TENM1: variants seen among roughly 807,000 people sequenced by gnomAD.
The protein encoded by TENM1 is teneurin-1.
TENM1 carries 35 observed loss-of-function variants against 174.8 expected under a neutral mutation model. The observed-to-expected ratio is 0.20, with a 90% CI of 0.15 to 0.27. The LOEUF (loss-of-function observed/expected upper bound fraction) is 0.27, where lower values mean the gene tolerates loss of function less well. Ranked by LOEUF, TENM1 falls within the 10% of genes least tolerant of loss-of-function variation. The pLI is 1.00. For synonymous variants in TENM1, 781 were observed against 798.7 expected (o/e 0.98, Z 0.37); for missense variants, 1,633 against 2,130.1 (o/e 0.77, Z 4.59).
chrX:124,902,280 A>T (rs2057677019), intron 1 of TENM1, among the ~76,000 whole-genome samples: 1 of 112,191 alleles, frequency 8.9e-6, no homozygotes, highest in South Asian at 3.7e-4. Flanking sequence ...ATATTAGTTA[A>T]ATAAGATCTT....
chrX:124,480,846 T>C (rs1355182733), intron 22 of TENM1, among the ~76,000 whole-genome samples: 3 of 111,068 alleles, frequency 2.7e-5, no homozygotes, highest in Non-Finnish European at 5.7e-5. Flanking sequence ...TACACACACA[T>C]ACACAAACAT....
the TENM1 span, among the ~76,000 whole-genome samples, chrX:125,013,469 T>TA: frequency 2.7e-5 from 3 of 111,581 alleles, no homozygotes; most frequent in Non-Finnish European, 5.6e-5. Flanking sequence ...GTATAATTTA[T>TA]ATTATAGTAA....
At chrX:125,192,010 C>T in the TENM1 span, among the ~76,000 whole-genome samples, 1 of 110,242 alleles carries the variant, frequency 9.1e-6, no homozygotes. Flanking sequence ...CTGGAGGACA[C>T]AGCAAGAAGG....
chrX:124,887,779 G>T (rs752490411), intron 3 of TENM1, among the ~76,000 whole-genome samples: 11 of 110,967 alleles, frequency 9.9e-5, no homozygotes, highest in African/African-American at 3.3e-4. Context: ...TCTCACACAC[G>T]CCTAATGGGT....
chrX:124,404,327 A>C lies in TENM1; in HGVS notation c.5391+704T>G, dbSNP rs547797367. The stretch of plus-strand genomic sequence containing the variant: ...ATCATCCTAACACTGGTTAACGTTC[A>C]AGAGGAGGCAGGTAGACAGAGTGCT... On this transcript the variant is annotated intron_variant, in intron 27 of 31. Transcript: ENST00000422452. 9.9e-5 allele frequency among the ~76,000 whole-genome samples: 11 copies of C among 111,201 alleles called. No homozygotes were observed. The South Asian group carries it at 3.5e-3, about 35-fold the overall frequency.
At chrX:124,499,503 C>A (rs2047279143) in intron 19 of TENM1, among the ~76,000 whole-genome samples, 1 of 111,872 alleles carries the variant, frequency 8.9e-6, no homozygotes, top group Admixed American at 9.5e-5. Context: ...TATGCCCTAA[C>A]AAATTGGTCT....
chrX:124,390,660 C>T (rs2060272921), intron 28 of TENM1, among the ~76,000 whole-genome samples: 1 of 112,349 alleles, frequency 8.9e-6, no homozygotes, highest in African/African-American at 3.2e-5. Flanking sequence ...ACTAACTCAG[C>T]TAATATTCTG....
At chrX:124,632,069 C>G (rs752348792) in intron 11 of TENM1, among the ~76,000 whole-genome samples, 116 of 107,173 alleles carry the variant, frequency 1.1e-3, no homozygotes, top group African/African-American at 3.5e-3. Context: ...CATGCCGCCA[C>G]ACTCAGCTAA....
chrX:124,567,564 G>A (rs113125485), intron 11 of TENM1, among the ~76,000 whole-genome samples: 3 of 112,070 alleles, frequency 2.7e-5, no homozygotes, highest in African/African-American at 9.7e-5. Flanking sequence ...TGATAAAGGT[G>A]TAGTTGAAAA....
At chrX:124,594,730 C>T (rs1391646808) in intron 11 of TENM1, among the ~76,000 whole-genome samples, 1 of 112,207 alleles carries the variant, frequency 8.9e-6, no homozygotes, top group African/African-American at 3.2e-5. Context: ...GTCCACAAAA[C>T]TAATGACTAT....
intron 23 of TENM1, among the ~76,000 whole-genome samples, chrX:124,439,230 C>G (rs994038771): frequency 8.9e-6 from 1 of 111,834 alleles, no homozygotes; most frequent in African/African-American, 3.2e-5. Flanking sequence ...TGTCTTCTTT[C>G]TTATGTACTC....
chrX:124,895,839 T>C, intron 2 of TENM1, 142 bp downstream of exon 5: 1 of 668,812 alleles, frequency 1.5e-6, no homozygotes, highest in Non-Finnish European at 2.2e-6. Context: ...GGTGCATGCC[T>C]TGTCCATGAG....
chrX:124,666,841 A>G (rs2051778333), intron 6 of TENM1, among the ~76,000 whole-genome samples: 1 of 108,920 alleles, frequency 9.2e-6, no homozygotes, highest in African/African-American at 3.3e-5. Flanking sequence ...CCAGTAAATC[A>G]TCTCACATGT....
chrX:125,023,211 T>C, the TENM1 span, among the ~76,000 whole-genome samples: 2 of 111,226 alleles, frequency 1.8e-5, no homozygotes. Flanking sequence ...CATGCTATTT[T>C]TGTGATAGTG....
At chrX:125,127,003 G>A in the TENM1 span, among the ~76,000 whole-genome samples, 3 of 111,420 alleles carry the variant, frequency 2.7e-5, no homozygotes, top group Non-Finnish European at 5.7e-5. Flanking sequence ...ACTGCCGGAA[G>A]AAAGCCGAAT....
At chrX:125,090,900 A>G in the TENM1 span, among the ~76,000 whole-genome samples, 4 of 111,614 alleles carry the variant, frequency 3.6e-5, no homozygotes, top group East Asian at 8.4e-4. Flanking sequence ...TGACTGCATC[A>G]AGGGGAATGG....
At chrX:124,968,955 C>A in the TENM1 span, among the ~76,000 whole-genome samples, 1 of 111,781 alleles carries the variant, frequency 8.9e-6, no homozygotes, top group Non-Finnish European at 1.9e-5. Context: ...CATAATAATT[C>A]TGAAAGAATG....
At chrX:124,515,633 A>T (rs748224483) in intron 18 of TENM1, among the ~76,000 whole-genome samples, 1 of 111,278 alleles carries the variant, frequency 9.0e-6, no homozygotes, top group Non-Finnish European at 1.9e-5. Context: ...AATACAGTTA[A>T]CCAGGGAGGT....
chrX:125,023,337 G>A, the TENM1 span, among the ~76,000 whole-genome samples: 2 of 111,280 alleles, frequency 1.8e-5, no homozygotes, highest in African/African-American at 3.3e-5. Flanking sequence ...CACCTTCCAC[G>A]ATGATTATAA....
Sources: gnomAD v4.1 joint callset for allele counts (sites outside exome capture counted in the v4.1 genomes callset) on GRCh38, gnomAD v4.1.1 for gene constraint, MANE v1.5 for transcripts, NCBI Gene and HGNC (gene_info 2026-07-23, HGNC 2026-07-21) for gene names.